DSC1: variants seen among roughly 807,000 people sequenced by gnomAD.
DSC1 encodes the protein desmocollin 1.
Under a neutral mutation model 98.8 loss-of-function variants are expected in DSC1, and 79 were observed. That is an observed-to-expected ratio of 0.80 (90% CI 0.67 to 0.96). DSC1 has a LOEUF of 0.96. Among genes scored for constraint, DSC1 ranks in the 50% least tolerant of loss-of-function variants. The probability of loss-of-function intolerance (pLI) is 0.00; values close to 1 mark genes in which losing one functional copy is unlikely to be tolerated. For missense variants in DSC1, 1,115 were observed against 1,075.9 expected (o/e 1.04, Z -0.51); for synonymous variants, 405 against 372.1 (o/e 1.09, Z -1.02).
At chr18:31,158,950 T>C (rs772709790) in intron 2 of DSC1, among the ~76,000 whole-genome samples, 4 of 151,908 alleles carry the variant, frequency 2.6e-5, no homozygotes, top group Non-Finnish European at 5.9e-5. Flanking sequence ...AGTATACAAC[T>C]AACTTTGGTA....
intron 11 of DSC1, among the ~76,000 whole-genome samples, chr18:31,135,790 T>C (rs1988597972): frequency 6.6e-6 from 1 of 152,132 alleles, no homozygotes; most frequent in South Asian, 2.1e-4. Flanking sequence ...CAATAAATGA[T>C]AAGATATCAA....
At chr18:31,149,206 C>T (rs1395807278) in intron 5 of DSC1, among the ~76,000 whole-genome samples, 1 of 152,110 alleles carries the variant, frequency 6.6e-6, no homozygotes, top group Non-Finnish European at 1.5e-5. Flanking sequence ...ATGTCCTTTG[C>T]CTTTAAACTC....
intron 11 of DSC1, among the ~76,000 whole-genome samples, chr18:31,139,124 A>G (rs1275920379): frequency 6.6e-6 from 1 of 152,072 alleles, no homozygotes; most frequent in Non-Finnish European, 1.5e-5. Context: ...CAAGTGGTTT[A>G]CTGATAGAAA....
At chr18:31,132,104 T>C (rs1043038296) in intron 14 of DSC1, 29 of 503,820 alleles carry the variant, frequency 5.8e-5, no homozygotes, top group Non-Finnish European at 9.7e-5. Context: ...GATGAGGTTA[T>C]ATGGGATTAG....
rs200787420 is a variant in DSC1, at chr18:31,144,936, C to CTTTTTTT, written c.939+674_939+675insAAAAAAA. ...TGGGAACCGTCTGTATTTTCTTTTTCTTTCTTTTTTTTTTTTTTTTTGAGA... is the reference window on the plus strand; with the variant it reads ...TGGGAACCGTCTGTATTTTCTTTTTCTTTTTTTTTTCTTTTTTTTTTTTTTTTTGAGA... On this transcript the variant is annotated intron_variant, in intron 7 of 15. Coordinates refer to ENST00000257198, the MANE Select transcript of DSC1 (RefSeq NM_024421.2). Among the ~76,000 whole-genome samples, 54 of 95,258 alleles carry CTTTTTTT rather than the reference C, an allele frequency of 5.7e-4. 4 individuals are homozygous for CTTTTTTT. Among genetic ancestry groups the CTTTTTTT allele is most frequent in the Non-Finnish European group, 6.8e-4 (35 of 51,324 alleles). 62.5% of individuals were successfully genotyped at this position (95,258 alleles called of 152,430 possible).
At position 31,156,110 on chromosome 18, in the gene DSC1, C is replaced by A; in HGVS notation, c.404G>T (p.Arg135Leu). Residue 135 changes from arginine to leucine, a missense_variant, in exon 4 of 16, where the codon CGA becomes CTA. Physicochemically the swap from Arg to Leu is moderately radical, Grantham distance 102. Coordinates refer to ENST00000257198, the MANE Select transcript of DSC1 (RefSeq NM_024421.2). ...KDTALKRSKR[R>L]WAPIPASLME... ...CAATGAAGCTGGAATAGGAGCCCAT[C>A]GTCTCTTGCTGCGCTTGAGGGCTGT... The A allele has an allele frequency of 6.2e-7, 1 of 1,614,134 alleles. No homozygotes were observed. The highest frequency in any genetic ancestry group is 1.3e-5 in the African/African-American group (1 of 75,046).
intron 2 of DSC1, among the ~76,000 whole-genome samples, chr18:31,157,842 G>C (rs980064380): frequency 1.3e-5 from 2 of 152,028 alleles, no homozygotes; most frequent in Admixed American, 1.3e-4. Flanking sequence ...TCTTTTCTTT[G>C]AACTCTTAAT....
At position 31,150,325 on chromosome 18, in the gene DSC1, C is replaced by T. The variant is rs796485841; in HGVS notation, c.628-1683G>A. ...TCATCACCACCACTACTACCATCAT[C>T]ACCACCACCACTACCATCACCACCA... On this transcript the variant is annotated intron_variant, in intron 5 of 15. Coordinates refer to ENST00000257198, the MANE Select transcript of DSC1 (RefSeq NM_024421.2). Among the ~76,000 whole-genome samples, 569 of 91,288 alleles carry T rather than the reference C, an allele frequency of 6.2e-3. 51 individuals carry two copies. Among genetic ancestry groups the T allele is most frequent in the East Asian group, 0.053 (55 of 1,042 alleles). The allele number at this position is 91,288 out of a possible 152,430, so 59.9% of individuals were successfully genotyped here. A position where few individuals can be genotyped will look rare whatever the true frequency, so the allele number is the denominator to read the frequency against.
In DSC1 at chr18:31,130,460, A is replaced by G; in HGVS notation, c.*54T>C. Reference sequence around the variant, plus strand: ...TAGCAGATGCTGCTAACATTCTGCAAGTAATAAATTCCTACTTATGCATCT... The same window carrying G: ...TAGCAGATGCTGCTAACATTCTGCAGGTAATAAATTCCTACTTATGCATCT... On this transcript the variant is annotated 3_prime_UTR_variant, in exon 16 of 16. Coordinates refer to ENST00000257198, the MANE Select transcript of DSC1 (RefSeq NM_024421.2). The G allele has an allele frequency of 1.3e-6, 2 of 1,591,952 alleles. No individual in the cohort carries two copies. The highest frequency in any genetic ancestry group is 1.7e-5 in the Admixed American group (1 of 58,966).
rs1042370536 is a variant in DSC1 at position 31,132,405 on chromosome 18, A to T, written c.2238+163T>A. 5.6e-5 allele frequency: 51 copies of T among 907,292 alleles called. No homozygotes were observed. The African/African-American group carries it at 7.1e-4, about 13-fold the overall frequency. The allele number at this position is 907,292 out of a possible 1,614,324, so 56.2% of individuals were successfully genotyped here. A position where few individuals can be genotyped will look rare whatever the true frequency, so the allele number is the denominator to read the frequency against. The stretch of plus-strand genomic sequence containing the variant: ...GTTGTGACAGCCCTAGCCCTGTAGA[A>T]TTGGGAGGTTTAAATGATTTAAAAC... On this transcript the variant is annotated intron_variant, in intron 14 of 15. Transcript: ENST00000257198.
intron 5 of DSC1, among the ~76,000 whole-genome samples, chr18:31,150,444 CACT>C (rs139249880): frequency 3.6e-3 from 106 of 29,424 alleles, no homozygotes; most frequent in East Asian, 0.027. Context: ...CCATCACCAC[CACT>C]ACCACCACCA....
Position 31,154,787 on chromosome 18 carries a change from T to G in DSC1, c.614A>C (p.Tyr205Ser). ...CAATAATCCTACCGCAAACTGTTCA[T>G]ATTTCTCACGGTCAATGCTCCTTGT... is the stretch of plus-strand genomic sequence containing the variant. Reference protein sequence around the residue: ...FCTRSIDREKYEQFALYGYAT... With the variant: ...FCTRSIDREKSEQFALYGYAT... The change falls in exon 5 of 16, where the codon TAT becomes TCT. Residue 205 changes from tyrosine to serine, a missense_variant. By Grantham distance (144) the Tyr-to-Ser change is moderately radical (BLOSUM62 -2). Transcript: ENST00000257198. 1 of 1,611,546 alleles carries G rather than the reference T, an allele frequency of 6.2e-7. No homozygotes were observed. Among genetic ancestry groups the G allele is most frequent in the Non-Finnish European group, 8.5e-7 (1 of 1,178,960 alleles).
In DSC1 at chr18:31,132,581, C is replaced by G; in HGVS notation, c.2225G>C (p.Gly742Ala). The change falls in exon 14 of 16, where the codon GGA (glycine) becomes GCA (alanine). Residue 742 changes from glycine to alanine, a missense_variant. By Grantham distance (60) the Gly-to-Ala change is moderately conservative. Coordinates refer to ENST00000257198, the MANE Select transcript of DSC1 (RefSeq NM_024421.2). ...AATCTGATTTACCGTTACTTCTTCT[C>G]CAGGTCCTTCAGTATTTGATACAAT... ...NLIVSNTEGPGEEVTEANIRL... is the reference protein window; with the variant it reads ...NLIVSNTEGPAEEVTEANIRL... 1 of 1,613,276 alleles carries G rather than the reference C, an allele frequency of 6.2e-7. No individual in the cohort carries two copies. Among genetic ancestry groups the G allele is most frequent in the Non-Finnish European group, 8.5e-7 (1 of 1,179,522 alleles).
chr18:31,156,453 T>A (rs1989100364), intron 3 of DSC1, among the ~76,000 whole-genome samples: 1 of 152,190 alleles, frequency 6.6e-6, no homozygotes, highest in Non-Finnish European at 1.5e-5. Context: ...GATAATTCAT[T>A]AATAAATATT....
Position 31,132,422 on chromosome 18 carries a change from A to G in DSC1, c.2238+146T>C, listed in dbSNP as rs908584371. The G allele has an allele frequency of 6.1e-6, 7 of 1,156,656 alleles. No homozygotes were observed. In the African/African-American group the frequency reaches 9.3e-5, roughly 15 times the overall value. 71.6% of individuals were successfully genotyped at this position (1,156,656 alleles called of 1,614,324 possible). On this transcript the variant is annotated intron_variant, in intron 14 of 15. Transcript: ENST00000257198. ...CCTGTAGAATTGGGAGGTTTAAATG[A>G]TTTAAAACACTGAGGGCACTTGAAA...
In DSC1 at chr18:31,157,453, T is replaced by G. The variant is rs1396737040; in HGVS notation, c.269A>C (p.Lys90Thr). Residue 90 changes from lysine to threonine, a missense_variant, in exon 3 of 16, where the codon AAA becomes ACA. Transcript: ENST00000257198. ...ATCTGAAAGGAAAATGGAAAAACTT[T>G]TCCTTTCAGAAGACAAAATGAGGTC... ...THDLILSSER[K>T]SFSIFLSDGQ... is the part of the protein sequence containing the mutation. 1 of 1,614,232 alleles carries G rather than the reference T, an allele frequency of 6.2e-7. No homozygotes were observed.
At chr18:31,130,908 G>A (rs560776964) in intron 15 of DSC1, 197 bp from the exon 16 acceptor site, 2 of 1,415,080 alleles carry the variant, frequency 1.4e-6, no homozygotes, top group East Asian at 2.3e-5. Flanking sequence ...ATAAATAAAT[G>A]CTTCTAGTGA....
intron 11 of DSC1, among the ~76,000 whole-genome samples, chr18:31,137,673 TA>T (rs149939025): frequency 0.056 from 8,572 of 152,208 alleles, 295 homozygotes; most frequent in African/African-American, 0.099. Context: ...CCATATATGA[TA>T]ATTGTTATCC....
chr18:31,159,381 C>T, intron 2 of DSC1, 64 bp downstream of exon 2: 1 of 1,550,812 alleles, frequency 6.4e-7, no homozygotes, highest in Non-Finnish European at 8.9e-7. Flanking sequence ...CCAAACTTTA[C>T]AAGAGCAGCC....
Sources: gnomAD v4.1 joint callset for allele counts (sites outside exome capture counted in the v4.1 genomes callset) on GRCh38, gnomAD v4.1.1 for gene constraint, MANE v1.5 for transcripts, NCBI Gene and HGNC (gene_info 2026-07-23, HGNC 2026-07-21) for gene names.